The following GARRE1 variants were observed in gnomAD, a reference collection of about 807,000 sequenced individuals.
GARRE1 encodes granule associated Rac and RHOG effector protein 1.
Under a neutral mutation model 103.2 loss-of-function variants are expected in GARRE1, and 49 were observed. That is an observed-to-expected ratio of 0.47 (90% CI 0.38 to 0.60). The LOEUF is 0.60. Ranked by LOEUF, GARRE1 falls within the 20% of genes least tolerant of loss-of-function variation. The probability of loss-of-function intolerance (pLI) is 0.00; values close to 1 mark genes in which losing one functional copy is unlikely to be tolerated. For synonymous variants in GARRE1, 505 were observed against 532.8 expected (o/e 0.95, Z 0.72); for missense variants, 1,199 against 1,370.5 (o/e 0.87, Z 1.98).
At position 34,270,868 on chromosome 19, in the gene GARRE1, T is replaced by A. The variant is rs563911376; in HGVS notation, c.-796+16254T>A. Among the ~76,000 whole-genome samples, 16 of 152,294 alleles carry A rather than the reference T, an allele frequency of 1.1e-4. No individual in the cohort carries two copies. In the East Asian group the frequency reaches 2.9e-3, roughly 28 times the overall value. On this transcript the variant is annotated intron_variant, in intron 1 of 13. Coordinates refer to ENST00000299505, the MANE Select transcript of GARRE1 (RefSeq NM_014686.5). ...CTGTTGACATTTTGGGGTAGATAAT[T>A]CTTTGTAGGGGCTGTCTTGTGCATT...
rs747450162 is a variant in GARRE1, at chr19:34,333,788, G to A, written c.1348G>A (p.Val450Ile). 6.3e-7 allele frequency: 1 copy of A among 1,593,188 alleles called. No individual in the cohort carries two copies. Among genetic ancestry groups the A allele is most frequent in the Non-Finnish European group, 8.6e-7 (1 of 1,164,208 alleles). ...AGAAGGCTCTAGAATCGTGGTTCAA[G>A]TCCCATCCACATGGTAACGTGCCTC... ...SLEGSRIVVQVPSTWCLKEDP... is the reference protein window; with the variant it reads ...SLEGSRIVVQIPSTWCLKEDP... The change falls in exon 8 of 14, where the codon GTC (valine) becomes ATC (isoleucine). Residue 450 changes from valine to isoleucine, a missense_variant. Coordinates refer to ENST00000299505, the MANE Select transcript of GARRE1 (RefSeq NM_014686.5).
chr19:34,307,726 A>G (rs908539940), intron 2 of GARRE1, among the ~76,000 whole-genome samples: 1 of 140,684 alleles, frequency 7.1e-6, no homozygotes, highest in African/African-American at 2.6e-5. Context: ...TACTATATAT[A>G]CATATATACT....
rs143251864 is a variant in GARRE1 at position 34,343,993 on chromosome 19, T to G, written c.2521+1538T>G. 9.8e-5 allele frequency among the ~76,000 whole-genome samples: 15 copies of G among 152,344 alleles called. No individual in the cohort carries two copies. The East Asian group carries it at 2.5e-3, about 25-fold the overall frequency. ...ACTGTTATCACCTGTAGCATGTAAC[T>G]TTGTCTTGGACTTCACAGCAAATGC... On this transcript the variant is annotated intron_variant, in intron 10 of 13. Transcript: ENST00000299505.
intron 9 of GARRE1, among the ~76,000 whole-genome samples, chr19:34,340,480 G>C (rs1481260585): frequency 1.2e-4 from 6 of 48,914 alleles, no homozygotes; most frequent in Non-Finnish European, 3.8e-4. Flanking sequence ...TTTCTGTCTT[G>C]GTCTTTGTCT....
chr19:34,347,964 C>A lies in GARRE1; in HGVS notation c.2609C>A (p.Pro870Gln). Residue 870 changes from proline to glutamine, a missense_variant, in exon 11 of 14, where the codon CCA (proline) becomes CAA (glutamine). Physicochemically the swap from Pro to Gln is moderately conservative, Grantham distance 76. Transcript: ENST00000299505. ...QKRQAQHGRR[P>Q]GNPRGNWPPM... is the part of the protein sequence containing the mutation. ...CGGCAGGCCCAGCACGGTCGCCGGC[C>A]AGGCAACCCCCGGGGCAACTGGCCG... The A allele has an allele frequency of 6.3e-7, 1 of 1,588,056 alleles. No individual in the cohort carries two copies. The highest frequency in any genetic ancestry group is 8.6e-7 in the Non-Finnish European group (1 of 1,166,088).
At chr19:34,288,705 G>A (rs1568530568) in intron 1 of GARRE1, among the ~76,000 whole-genome samples, 1 of 152,260 alleles carries the variant, frequency 6.6e-6, no homozygotes, top group Non-Finnish European at 1.5e-5. Context: ...CTTTCAGTGG[G>A]AAGTATTAAA....
chr19:34,296,444 G>A, intron 1 of GARRE1: 1 of 1,588,962 alleles, frequency 6.3e-7, no homozygotes, highest in Non-Finnish European at 8.5e-7. Context: ...GCTTGGGGTG[G>A]GCAATGTAGG....
intron 2 of GARRE1, among the ~76,000 whole-genome samples, chr19:34,303,328 G>T (rs1020024302): frequency 2.0e-5 from 3 of 152,190 alleles, no homozygotes; most frequent in African/African-American, 7.2e-5. Flanking sequence ...CCATCCTGGG[G>T]TTAAGATCAC....
chr19:34,296,757 G>A (rs1040665668), intron 1 of GARRE1, among the ~76,000 whole-genome samples: 6 of 152,090 alleles, frequency 3.9e-5, no homozygotes, highest in African/African-American at 7.2e-5. Context: ...ACCTTAAGCC[G>A]CAGCTCCCGA....
intron 1 of GARRE1, among the ~76,000 whole-genome samples, chr19:34,271,540 G>A (rs960951287): frequency 3.3e-5 from 5 of 151,772 alleles, no homozygotes; most frequent in South Asian, 2.1e-4. Context: ...GAGCCACCAC[G>A]CCCGGCCCCT....
chr19:34,319,506 G>T (rs375085608), intron 2 of GARRE1, among the ~76,000 whole-genome samples: 1 of 152,112 alleles, frequency 6.6e-6, no homozygotes, highest in Non-Finnish European at 1.5e-5. Context: ...CAGATTTTTA[G>T]TTGCATGGTT....
intron 1 of GARRE1, among the ~76,000 whole-genome samples, chr19:34,270,598 G>A (rs2073781515): frequency 2.0e-5 from 3 of 152,156 alleles, no homozygotes; most frequent in Admixed American, 2.0e-4. Flanking sequence ...TTTGAGGGGG[G>A]CCTCAGCCTC....
intron 7 of GARRE1, among the ~76,000 whole-genome samples, chr19:34,331,722 G>A (rs531957301): frequency 6.6e-6 from 1 of 152,262 alleles, no homozygotes; most frequent in Non-Finnish European, 1.5e-5. Context: ...GGCAGGGCGT[G>A]GTGGCTCACA....
At position 34,307,794 on chromosome 19, in the gene GARRE1, A is replaced by T. The variant is rs910371118; in HGVS notation, c.495+6826A>T. Reference sequence around the variant, plus strand: ...TATACTATAAAATATATATACTATAAAAAAAAAATATATATATATATTTTT... The same window carrying T: ...TATACTATAAAATATATATACTATATAAAAAAAATATATATATATATTTTT... On this transcript the variant is annotated intron_variant, in intron 2 of 13. Transcript: ENST00000299505. Among the ~76,000 whole-genome samples the T allele has an allele frequency of 6.4e-5, 5 of 78,416 alleles. No homozygotes were observed. The East Asian group carries it at 9.6e-4, about 15-fold the overall frequency. 51.4% of individuals were successfully genotyped at this position (78,416 alleles called of 152,430 possible). A position where few individuals can be genotyped will look rare whatever the true frequency, so the allele number is the denominator to read the frequency against.
chr19:34,303,583 A>G (rs1166472337), intron 2 of GARRE1, among the ~76,000 whole-genome samples: 1 of 152,228 alleles, frequency 6.6e-6, no homozygotes, highest in East Asian at 1.9e-4. Context: ...TTTAGGCTTC[A>G]TGGACCACAT....
At chr19:34,301,004 A>T in intron 2 of GARRE1, 36 bp downstream of exon 2, 1 of 1,559,598 alleles carries the variant, frequency 6.4e-7, no homozygotes, top group Non-Finnish European at 8.7e-7. Flanking sequence ...GTGTAGGAAA[A>T]TATACTACAA....
At chr19:34,326,612 A>G (rs1358489072) in intron 3 of GARRE1, among the ~76,000 whole-genome samples, 2 of 152,006 alleles carry the variant, frequency 1.3e-5, no homozygotes, top group Admixed American at 6.6e-5. Flanking sequence ...TTAATATGCC[A>G]ATGTATATTT....
At chr19:34,264,542 G>A (rs1599745610) in intron 1 of GARRE1, among the ~76,000 whole-genome samples, 1 of 152,228 alleles carries the variant, frequency 6.6e-6, no homozygotes, top group African/African-American at 2.4e-5. Context: ...GGGACTACAG[G>A]TGCCCGCCAC....
intron 8 of GARRE1, 44 bp from the exon 9 acceptor site, chr19:34,339,823 C>T (rs1239456049): frequency 1.2e-6 from 2 of 1,612,160 alleles, no homozygotes; most frequent in East Asian, 2.2e-5. Flanking sequence ...GACACCTTTG[C>T]AGAGAAATGC....
Sources: allele counts gnomAD v4.1 joint callset (sites outside exome capture counted in the v4.1 genomes callset), GRCh38; gene constraint gnomAD v4.1.1; transcripts MANE v1.5; gene names NCBI Gene and HGNC (gene_info 2026-07-23, HGNC 2026-07-21).